SATL1: variants seen among roughly 807,000 people sequenced by gnomAD.
The protein encoded by SATL1 is spermidine/spermine N(1)-acetyltransferase-like protein 1.
In SATL1, 47 loss-of-function variants were observed where a neutral mutation model predicts 51.8. The observed-to-expected ratio is 0.91, with a 90% CI of 0.72 to 1.16. SATL1 has a LOEUF of 1.16. Among genes scored for constraint, SATL1 ranks in the 50% most tolerant of loss-of-function variants. The probability of loss-of-function intolerance (pLI) is 0.00; values close to 1 mark genes in which losing one functional copy is unlikely to be tolerated. For missense variants in SATL1, 520 were observed against 526.4 expected (o/e 0.99, Z 0.12); for synonymous variants, 176 against 182.4 (o/e 0.97, Z 0.28).
rs143658038 is a variant in SATL1, at chrX:85,215,312, C to T, written c.-313+8893G>A. On this transcript the variant is annotated intron_variant, in intron 2 of 7. Coordinates refer to ENST00000644105, the MANE Select transcript of SATL1 (RefSeq NM_001367857.2). ...TTAGGTCTCTGGGCCTGTGATTGGG[C>T]CTTTTACCCATAGTCTTGACTATTA... Among the ~76,000 whole-genome samples the T allele has an allele frequency of 2.7e-5, 3 of 111,320 alleles. No individual in the cohort carries two copies. The East Asian group carries it at 8.6e-4, about 32-fold the overall frequency.
intron 2 of SATL1, chrX:85,207,756 G>T (rs1260994911): frequency 8.9e-6 from 1 of 112,064 alleles, no homozygotes; most frequent in Non-Finnish European, 1.9e-5. Context: ...TTTGAAATAA[G>T]ACATGGAAGT....
rs1346895595 is a variant in SATL1 at position 85,194,078 on chromosome X, C to T, written c.-313+30127G>A. Among the ~76,000 whole-genome samples the T allele has an allele frequency of 9.0e-5, 10 of 111,641 alleles. No individual in the cohort carries two copies. In the Admixed American group the frequency reaches 9.5e-4, roughly 11 times the overall value. ...TCAAATGGTAGTTCTGCTTTTAGCT[C>T]TTTGAGGAATAAACATAGTACTTTC... On this transcript the variant is annotated intron_variant, in intron 2 of 7. Coordinates refer to ENST00000644105, the MANE Select transcript of SATL1 (RefSeq NM_001367857.2).
At chrX:85,147,609 C>A (rs1209371236) in intron 2 of SATL1, among the ~76,000 whole-genome samples, 1 of 111,777 alleles carries the variant, frequency 8.9e-6, no homozygotes, top group African/African-American at 3.3e-5. Flanking sequence ...CAGCCAGGTA[C>A]TCCTCTGAGA....
intron 2 of SATL1, among the ~76,000 whole-genome samples, chrX:85,145,469 T>A (rs1468321831): frequency 1.8e-5 from 2 of 112,032 alleles, no homozygotes; most frequent in South Asian, 7.4e-4. Flanking sequence ...TTTTTTGTGA[T>A]TCATTCCTAG....
chrX:85,151,015 G>A (rs770766067), intron 2 of SATL1, among the ~76,000 whole-genome samples: 1 of 110,784 alleles, frequency 9.0e-6, no homozygotes, highest in East Asian at 2.8e-4. Flanking sequence ...AGGAAAAGAG[G>A]AAGTCAAATT....
At chrX:85,105,267 C>G (rs1925010972) in intron 3 of SATL1, among the ~76,000 whole-genome samples, 1 of 110,824 alleles carries the variant, frequency 9.0e-6, no homozygotes, top group South Asian at 3.8e-4. Flanking sequence ...AGCATTTTGG[C>G]TGCTGTGTAG....
rs531467136 is a variant in SATL1, at chrX:85,239,129, G to A, written c.-435+4459C>T. 8.1e-4 allele frequency among the ~76,000 whole-genome samples: 89 copies of A among 110,354 alleles called. No homozygotes were observed. In the South Asian group the frequency reaches 0.027, roughly 33 times the overall value. The stretch of plus-strand genomic sequence containing the variant: ...CACGATTAATAAAATAAAATAAAAT[G>A]AAATAAAATAAAATAAAATAAGCTG... On this transcript the variant is annotated intron_variant, in intron 1 of 7. Coordinates refer to ENST00000644105, the MANE Select transcript of SATL1 (RefSeq NM_001367857.2).
intron 4 of SATL1, among the ~76,000 whole-genome samples, chrX:85,096,960 C>A (rs1444643890): frequency 9.3e-6 from 1 of 107,191 alleles, no homozygotes; most frequent in Non-Finnish European, 1.9e-5. Context: ...TGAAAGTAAT[C>A]TAAACAGTAA....
intron 2 of SATL1, among the ~76,000 whole-genome samples, chrX:85,220,669 AAAAAAAAAAAAAAAAAAAC>A (rs1928155597): frequency 3.7e-5 from 3 of 81,300 alleles, no homozygotes; most frequent in Non-Finnish European, 4.9e-5. Context: ...AAAAAAAAAA[AAAAAAAAAAAAAAAAAAAC>A]TCTCCTGGAT....
intron 2 of SATL1, among the ~76,000 whole-genome samples, chrX:85,134,131 A>T (rs1361512449): frequency 1.8e-5 from 2 of 110,915 alleles, no homozygotes; most frequent in Non-Finnish European, 3.8e-5. Context: ...AACATAAAGC[A>T]TCTACAAATA....
At chrX:85,228,214 C>T (rs971800999) in intron 1 of SATL1, among the ~76,000 whole-genome samples, 4 of 111,223 alleles carry the variant, frequency 3.6e-5, no homozygotes, top group African/African-American at 9.8e-5. Context: ...CAAGAATGCA[C>T]GCATATCCTG....
In SATL1 at chrX:85,237,806, A is replaced by G. The variant is rs186652789; in HGVS notation, c.-435+5782T>C. Among the ~76,000 whole-genome samples the G allele has an allele frequency of 4.0e-4, 45 of 111,637 alleles. 1 individual carries two copies. The highest frequency in any genetic ancestry group is 3.6e-3 in the Admixed American group (38 of 10,525). On this transcript the variant is annotated intron_variant, in intron 1 of 7. Transcript: ENST00000644105. ...ACAAAATGGGAGAATATATTTGCAA[A>G]CTACCCATCTGACAAGGGATTAATA...
At chrX:85,215,125 C>A (rs1317167049) in intron 2 of SATL1, among the ~76,000 whole-genome samples, 4 of 111,818 alleles carry the variant, frequency 3.6e-5, no homozygotes, top group Non-Finnish European at 7.5e-5. Context: ...ATGCATGCCA[C>A]CAAGGCTTAC....
chrX:85,095,870 G>A (rs962683196), intron 4 of SATL1, among the ~76,000 whole-genome samples: 4 of 101,340 alleles, frequency 3.9e-5, no homozygotes, highest in African/African-American at 1.5e-4. Context: ...GAGGGGACCT[G>A]AGAACACATT....
chrX:85,121,856 G>C (rs1335512561), intron 2 of SATL1, among the ~76,000 whole-genome samples: 1 of 109,415 alleles, frequency 9.1e-6, no homozygotes, highest in Non-Finnish European at 1.9e-5. Context: ...TGCTAAGAGA[G>C]TAGATTTTAA....
At chrX:85,178,238 C>G (rs1284300404) in intron 2 of SATL1, among the ~76,000 whole-genome samples, 1 of 110,824 alleles carries the variant, frequency 9.0e-6, no homozygotes, top group Non-Finnish European at 1.9e-5. Flanking sequence ...CTTGGCAGAT[C>G]CCTATGTAGA....
chrX:85,130,762 C>G (rs1009901251), intron 2 of SATL1, among the ~76,000 whole-genome samples: 1 of 111,611 alleles, frequency 9.0e-6, no homozygotes, highest in African/African-American at 3.3e-5. Flanking sequence ...TAGATCTTTC[C>G]TGCCTTCTCT....
At chrX:85,139,419 G>A (rs1307334302) in intron 2 of SATL1, among the ~76,000 whole-genome samples, 1 of 111,496 alleles carries the variant, frequency 9.0e-6, no homozygotes, top group East Asian at 2.8e-4. Flanking sequence ...TGAGGTACAT[G>A]CTCTGTTATT....
At chrX:85,121,272 G>A (rs1429887731) in intron 2 of SATL1, among the ~76,000 whole-genome samples, 9 of 104,080 alleles carry the variant, frequency 8.6e-5, no homozygotes, top group Non-Finnish European at 1.6e-4. Context: ...CACAGTAGAT[G>A]AATTATTATA....
Sources: allele counts gnomAD v4.1 joint callset (sites outside exome capture counted in the v4.1 genomes callset), GRCh38; gene constraint gnomAD v4.1.1; transcripts MANE v1.5; gene names NCBI Gene and HGNC (gene_info 2026-07-23, HGNC 2026-07-21).